The following CDH22 variants were observed in gnomAD, a reference collection of about 807,000 sequenced individuals.
CDH22 encodes cadherin-22.
Under a neutral mutation model 58.4 loss-of-function variants are expected in CDH22, and 30 were observed. The observed-to-expected ratio is 0.51, with a 90% CI of 0.38 to 0.70. CDH22 has a LOEUF of 0.70. Ranked by LOEUF, CDH22 falls within the 30% of genes least tolerant of loss-of-function variation. The pLI, the probability that CDH22 is intolerant of heterozygous loss-of-function variation, is 0.00. For synonymous variants in CDH22, 513 were observed against 558.2 expected (o/e 0.92, Z 1.14); for missense variants, 1,014 against 1,233.9 (o/e 0.82, Z 2.67).
chr20:46,183,491 C>T (rs912757254), intron 10 of CDH22, among the ~76,000 whole-genome samples: 2 of 152,154 alleles, frequency 1.3e-5, no homozygotes, highest in African/African-American at 2.4e-5. Context: ...TGCAGTGGTG[C>T]GATCGTGGCT....
intron 2 of CDH22, among the ~76,000 whole-genome samples, chr20:46,243,390 G>T (rs2086306094): frequency 6.6e-6 from 1 of 152,130 alleles, no homozygotes; most frequent in Admixed American, 6.5e-5. Flanking sequence ...GAAATTGCGG[G>T]GACTAAATGG....
Position 46,185,371 on chromosome 20 carries a change from G to A in CDH22, c.1663+1217C>T, listed in dbSNP as rs144178208. Among the ~76,000 whole-genome samples the A allele has an allele frequency of 3.5e-4, 54 of 152,268 alleles. No individual in the cohort carries two copies. The East Asian group carries it at 9.7e-3, about 27-fold the overall frequency. The stretch of plus-strand genomic sequence containing the variant: ...TCACAGTGGACTCAGGCAGGGCAGG[G>A]CAGTTTGCTTTCCAGGTGGTGTGCT... On this transcript the variant is annotated intron_variant, in intron 10 of 11. Transcript: ENST00000537909.
chr20:46,186,647 T>C lies in CDH22; in HGVS notation c.1604A>G (p.Tyr535Cys), dbSNP rs1300138390. 9.9e-6 allele frequency: 16 copies of C among 1,613,480 alleles called. No homozygotes were observed. The highest frequency in any genetic ancestry group is 2.2e-5 in the East Asian group (1 of 44,850). Residue 535 changes from tyrosine to cysteine, a missense_variant, in exon 10 of 12, where the codon TAT (tyrosine) becomes TGT (cysteine). Coordinates refer to ENST00000537909, the MANE Select transcript of CDH22 (RefSeq NM_021248.3). ...RDEPQGGHRF[Y>C]FRLVPEAPSN... ...GGGAGCTTCAGGCACCAGGCGGAAA[T>C]AGAAGCGGTGCCCGCCTTGGGGCTC...
chr20:46,224,431 C>T (rs2086156587), intron 4 of CDH22, among the ~76,000 whole-genome samples: 1 of 152,202 alleles, frequency 6.6e-6, no homozygotes, highest in South Asian at 2.1e-4. Context: ...ATGATTCTCT[C>T]CCCTGTGCAC....
chr20:46,177,857 G>A, intron 11 of CDH22, 89 bp downstream of exon 11: 1 of 1,499,056 alleles, frequency 6.7e-7, no homozygotes, highest in Non-Finnish European at 9.1e-7. Context: ...GAGGGAAGCT[G>A]AGGCCCCATG....
At chr20:46,176,879 C>T (rs552174370) in intron 11 of CDH22, among the ~76,000 whole-genome samples, 2 of 152,250 alleles carry the variant, frequency 1.3e-5, no homozygotes, top group Non-Finnish European at 1.5e-5. Flanking sequence ...GCCTGATCAG[C>T]GATTCCACCC....
chr20:46,277,610 T>C (rs1222559320), intron 1 of CDH22, among the ~76,000 whole-genome samples: 2 of 151,574 alleles, frequency 1.3e-5, no homozygotes, highest in African/African-American at 4.9e-5. Context: ...GTGGGAGGAA[T>C]AGCAGAAGAG....
rs942153747 is a variant in CDH22 at position 46,199,039 on chromosome 20, A to G, written c.1423+384T>C. Among the ~76,000 whole-genome samples the G allele has an allele frequency of 3.3e-5, 5 of 152,312 alleles. No homozygotes were observed. The South Asian group carries it at 6.2e-4, about 19-fold the overall frequency. Reference sequence around the variant, plus strand: ...ATAGTCTTGTTCTCCCTATGAGGACAGAAGCTTTTCTGTCATGTTCAAGGC... The same window carrying G: ...ATAGTCTTGTTCTCCCTATGAGGACGGAAGCTTTTCTGTCATGTTCAAGGC... On this transcript the variant is annotated intron_variant, in intron 8 of 11. Coordinates refer to ENST00000537909, the MANE Select transcript of CDH22 (RefSeq NM_021248.3).
At position 46,300,640 on chromosome 20, in the gene CDH22, C is replaced by G. The variant is rs973343293; in HGVS notation, c.-400+7615G>C. 6.6e-6 allele frequency among the ~76,000 whole-genome samples: 1 copy of G among 152,220 alleles called. No individual in the cohort carries two copies. Among genetic ancestry groups the G allele is most frequent in the African/African-American group, 2.4e-5 (1 of 41,448 alleles). On this transcript the variant is annotated intron_variant, in intron 1 of 11. Transcript: ENST00000537909. The surrounding 1 kb of genome is among the most constrained non-coding windows in gnomAD (Gnocchi z 4.4). ...GCAGAGGGGTCTGTGGTGTTAACAT[C>G]TGGACCAACTTTCCAGAGGCCAAAA... is the stretch of plus-strand genomic sequence containing the variant.
intron 4 of CDH22, chr20:46,219,768 AT>A (rs1485175249): frequency 6.6e-6 from 1 of 152,186 alleles, no homozygotes; most frequent in Non-Finnish European, 1.5e-5. Flanking sequence ...TCCTCTCAAT[AT>A]TCATATGTGG....
rs533908958 is a variant in CDH22 at position 46,290,840 on chromosome 20, T to C, written c.-400+17415A>G. Among the ~76,000 whole-genome samples the C allele has an allele frequency of 4.0e-5, 6 of 151,450 alleles. No homozygotes were observed. The South Asian group carries it at 1.3e-3, about 32-fold the overall frequency. On this transcript the variant is annotated intron_variant, in intron 1 of 11. Transcript: ENST00000537909. ...AGAGTTGCAGAGAGCCCAAGCAGGG[T>C]CTATGGGGGGTGTGTTTGGAAGGAA... is the stretch of plus-strand genomic sequence containing the variant.
intron 10 of CDH22, 127 bp downstream of exon 10, chr20:46,186,461 G>T: frequency 1.4e-6 from 1 of 728,184 alleles, no homozygotes; most frequent in Non-Finnish European, 2.3e-6. Flanking sequence ...GCTTGGCCCA[G>T]ACTTTCCATG....
intron 5 of CDH22, among the ~76,000 whole-genome samples, chr20:46,213,693 T>G (rs900485464): frequency 1.3e-5 from 2 of 152,120 alleles, no homozygotes; most frequent in Non-Finnish European, 2.9e-5. Flanking sequence ...ATAGAATAAA[T>G]TGTGTTAAAA....
intron 1 of CDH22, among the ~76,000 whole-genome samples, chr20:46,258,607 T>C (rs576654895): frequency 6.6e-6 from 1 of 152,168 alleles, no homozygotes; most frequent in Non-Finnish European, 1.5e-5. Flanking sequence ...TCCTTGCTGC[T>C]CCTGCCTAGG....
intron 2 of CDH22, among the ~76,000 whole-genome samples, chr20:46,248,431 G>A (rs1283212256): frequency 6.6e-6 from 1 of 152,168 alleles, no homozygotes; most frequent in African/African-American, 2.4e-5. Context: ...GGGTTTTCCT[G>A]GACCAAAGGT....
chr20:46,253,350 G>A (rs541677278), intron 1 of CDH22, among the ~76,000 whole-genome samples: 1 of 152,134 alleles, frequency 6.6e-6, no homozygotes, highest in Non-Finnish European at 1.5e-5. Context: ...TGAGGGTGAC[G>A]GTGAAGGGGT....
intron 1 of CDH22, among the ~76,000 whole-genome samples, chr20:46,281,691 G>A (rs1358832229): frequency 6.6e-6 from 1 of 152,218 alleles, no homozygotes; most frequent in African/African-American, 2.4e-5. Flanking sequence ...AAGGGAAATG[G>A]TCAGTTTTTC....
intron 2 of CDH22, among the ~76,000 whole-genome samples, chr20:46,247,965 A>G (rs1244128706): frequency 1.3e-5 from 2 of 152,154 alleles, no homozygotes; most frequent in East Asian, 3.9e-4. Context: ...TTGCTGGGGG[A>G]AACAGAAAGG....
intron 7 of CDH22, among the ~76,000 whole-genome samples, chr20:46,204,716 T>A (rs2085987917): frequency 6.6e-6 from 1 of 152,048 alleles, no homozygotes; most frequent in Non-Finnish European, 1.5e-5. Context: ...TCTAACAGCA[T>A]CCTCTTAAGG....
Sources: allele counts gnomAD v4.1 joint callset (sites outside exome capture counted in the v4.1 genomes callset), GRCh38; gene constraint gnomAD v4.1.1; non-coding constraint Gnocchi (gnomAD v3.1); transcripts MANE v1.5; gene names NCBI Gene and HGNC (gene_info 2026-07-23, HGNC 2026-07-21).